Variants in ATP11A observed in about 807,000 individuals in gnomAD.
The protein encoded by ATP11A is phospholipid-transporting ATPase IH.
In ATP11A, 81 loss-of-function variants were observed where a neutral mutation model predicts 154.4. That is an observed-to-expected ratio of 0.52 (90% CI 0.44 to 0.63). The LOEUF is 0.63. Ranked by LOEUF, ATP11A falls within the 30% of genes least tolerant of loss-of-function variation. The pLI is 0.00. For missense variants in ATP11A, 1,316 were observed against 1,474.3 expected (o/e 0.89, Z 1.76); for synonymous variants, 623 against 585.9 (o/e 1.06, Z -0.91).
rs1034376312 is a variant in ATP11A, at chr13:112,729,118, G to A, written c.39+38663G>A. Among the ~76,000 whole-genome samples, 12 of 152,186 alleles carry A rather than the reference G, an allele frequency of 7.9e-5. No individual in the cohort carries two copies. In the South Asian group the frequency reaches 1.0e-3, roughly 13 times the overall value. On this transcript the variant is annotated intron_variant, in intron 1 of 29. Transcript: ENST00000375645. ...TCTTAAGAATCTGAGTGACAAAATC[G>A]GTGAACCTGAGTGAAAATTTAGAAT...
chr13:112,690,416 C>T lies in ATP11A; in HGVS notation c.-1C>T. The T allele has an allele frequency of 7.5e-7, 1 of 1,329,400 alleles. No homozygotes were observed. Among genetic ancestry groups the T allele is most frequent in the Non-Finnish European group, 9.6e-7 (1 of 1,038,858 alleles). The allele number at this position is 1,329,400 out of a possible 1,614,324, so 82.4% of individuals were successfully genotyped here. On this transcript the variant is annotated 5_prime_UTR_variant, in exon 1 of 30. Transcript: ENST00000375645. The surrounding 1 kb of genome is among the most constrained non-coding windows in gnomAD (Gnocchi z 5.6). ...GCGGAGCGGGAGCGGCCGGAGGAGC[C>T]ATGGACTGCAGCCTCGTGCGGACGC... is the stretch of plus-strand genomic sequence containing the variant.
chr13:112,878,137 C>T (rs933085273), intron 28 of ATP11A, 80 bp from the exon 29 acceptor site: 20 of 1,311,014 alleles, frequency 1.5e-5, no homozygotes, highest in East Asian at 2.3e-5. Context: ...CATTTCCTTC[C>T]GTCTTCCGAC....
rs375920322 is a variant in ATP11A at position 112,825,712 on chromosome 13, A to T, written c.1023+132A>T. 364 of 1,053,620 alleles carry T rather than the reference A, an allele frequency of 3.5e-4. 6 individuals are homozygous for T. In the South Asian group the frequency reaches 5.8e-3, roughly 17 times the overall value. 65.3% of individuals were successfully genotyped at this position (1,053,620 alleles called of 1,614,324 possible). A position where few individuals can be genotyped will look rare whatever the true frequency, so the allele number is the denominator to read the frequency against. ...CAGCTTGATTGATTCAGTCTCTGTG[A>T]TAGATGCATTCACTGAAATTTAAAG... is the stretch of plus-strand genomic sequence containing the variant. On this transcript the variant is annotated intron_variant, in intron 11 of 29. Transcript: ENST00000375645.
At chr13:112,808,244 G>A (rs932835982) in intron 4 of ATP11A, among the ~76,000 whole-genome samples, 5 of 152,014 alleles carry the variant, frequency 3.3e-5, no homozygotes, top group African/African-American at 1.2e-4. Flanking sequence ...CTCCCTGGCT[G>A]TGTCCCCTCC....
At chr13:112,800,621 G>A (rs1012191697) in intron 2 of ATP11A, among the ~76,000 whole-genome samples, 9 of 151,308 alleles carry the variant, frequency 5.9e-5, no homozygotes, top group African/African-American at 9.7e-5. Flanking sequence ...TAATAGAAGC[G>A]GAAGGAACAT....
Position 112,774,926 on chromosome 13 carries a change from TC to T in ATP11A, c.40-10204del, listed in dbSNP as rs531761304. On this transcript the variant is annotated intron_variant, in intron 1 of 29. Coordinates refer to ENST00000375645, the MANE Select transcript of ATP11A (RefSeq NM_015205.3). ...TGTGTCTGAGCAGCTCCTCCCACCT[TC>T]CCCCGTCACGGGAGCCGCAGAGTTG... is the stretch of plus-strand genomic sequence containing the variant. Among the ~76,000 whole-genome samples, 661 of 151,638 alleles carry T rather than the reference TC, an allele frequency of 4.4e-3. 5 individuals carry two copies. Among genetic ancestry groups the T allele is most frequent in the African/African-American group, 0.015 (622 of 41,402 alleles).
chr13:112,847,241 ACAGT>A (rs1195665642), intron 17 of ATP11A, among the ~76,000 whole-genome samples: 11 of 152,232 alleles, frequency 7.2e-5, no homozygotes. Flanking sequence ...AAGTAGAAAG[ACAGT>A]CCAGAGGGGC....
At chr13:112,809,036 A>C (rs2078411151) in intron 4 of ATP11A, among the ~76,000 whole-genome samples, 1 of 152,152 alleles carries the variant, frequency 6.6e-6, no homozygotes, top group Non-Finnish European at 1.5e-5. Context: ...TTGAACTTGC[A>C]GTTATTTCTG....
chr13:112,854,553 C>G (rs765072902), intron 19 of ATP11A, 23 bp downstream of exon 19: 2 of 1,592,316 alleles, frequency 1.3e-6, no homozygotes, highest in South Asian at 2.2e-5. Context: ...TCCCCGCCCC[C>G]ACCCCCACAC....
At chr13:112,724,543 GT>G (rs1376030392) in intron 1 of ATP11A, among the ~76,000 whole-genome samples, 1 of 152,066 alleles carries the variant, frequency 6.6e-6, no homozygotes, top group African/African-American at 2.4e-5. Context: ...TGCATCCAGA[GT>G]TTCATCAGAG....
At chr13:112,759,334 G>A (rs2076913822) in intron 1 of ATP11A, among the ~76,000 whole-genome samples, 1 of 152,210 alleles carries the variant, frequency 6.6e-6, no homozygotes, top group Non-Finnish European at 1.5e-5. Flanking sequence ...CCTGGGAGCA[G>A]TCTTGTTCCA....
chr13:112,825,958 A>C (rs2092075065), intron 11 of ATP11A, among the ~76,000 whole-genome samples: 1 of 152,316 alleles, frequency 6.6e-6, no homozygotes, highest in South Asian at 2.1e-4. Flanking sequence ...GCCATGTGCA[A>C]ACCGAGACCT....
intron 1 of ATP11A, among the ~76,000 whole-genome samples, chr13:112,781,038 TGTTTGTTTGTTC>T (rs2077485842): frequency 6.6e-6 from 1 of 151,952 alleles, no homozygotes; most frequent in Non-Finnish European, 1.5e-5. Flanking sequence ...GTCTTTTGTT[TGTTTGTTTGTTC>T]GTTTGTTTGA....
rs890144290 is a variant in ATP11A, at chr13:112,754,235, G to T, written c.40-30900G>T. ...GGCAGAGAAGGCCGTGGAATAACAG[G>T]GCCGGGTTCTCACTGGCGGGACTGT... is the stretch of plus-strand genomic sequence containing the variant. On this transcript the variant is annotated intron_variant, in intron 1 of 29. Transcript: ENST00000375645. This position sits in a 1 kb window ranked among gnomAD's most constrained non-coding sequence, Gnocchi z 5.3. 2.6e-5 allele frequency among the ~76,000 whole-genome samples: 4 copies of T among 152,192 alleles called. No individual in the cohort carries two copies. The highest frequency in any genetic ancestry group is 9.6e-5 in the African/African-American group (4 of 41,452).
intron 2 of ATP11A, among the ~76,000 whole-genome samples, chr13:112,791,209 A>G (rs2077845340): frequency 6.6e-6 from 1 of 152,260 alleles, no homozygotes; most frequent in Non-Finnish European, 1.5e-5. Flanking sequence ...GGAAGCACCC[A>G]GGTGTCCACA....
intron 1 of ATP11A, among the ~76,000 whole-genome samples, chr13:112,768,435 A>G (rs1765878): frequency 0.017 from 2,561 of 152,282 alleles, 75 homozygotes; most frequent in African/African-American, 0.058. Context: ...CAGCGCATTC[A>G]CAGACTGTCG....
chr13:112,726,253 G>T (rs559402975), intron 1 of ATP11A, among the ~76,000 whole-genome samples: 1 of 151,952 alleles, frequency 6.6e-6, no homozygotes, highest in Non-Finnish European at 1.5e-5. Context: ...AAGCACGTGC[G>T]TGCAGGGAGA....
intron 1 of ATP11A, among the ~76,000 whole-genome samples, chr13:112,763,438 G>A (rs1044980532): frequency 5.9e-5 from 9 of 152,188 alleles, no homozygotes; most frequent in African/African-American, 2.2e-4. Flanking sequence ...TCACATGACC[G>A]ATAGCAGGCC....
Position 112,855,898 on chromosome 13 carries a change from C to A in ATP11A, c.2244-13C>A, listed in dbSNP as rs377649428. 1 of 1,595,402 alleles carries A rather than the reference C, an allele frequency of 6.3e-7. No homozygotes were observed. The highest frequency in any genetic ancestry group is 2.2e-5 in the East Asian group (1 of 44,500). On this transcript the variant is annotated splice_polypyrimidine_tract_variant and intron_variant, in intron 19 of 29. Coordinates refer to ENST00000375645, the MANE Select transcript of ATP11A (RefSeq NM_015205.3). ...GTGATTGAGCAATCTTTCTGACTCACGTACTCTAACAGACTTTCAGCAGAT... is the reference window on the plus strand; with the variant it reads ...GTGATTGAGCAATCTTTCTGACTCAAGTACTCTAACAGACTTTCAGCAGAT...
Sources: gnomAD v4.1 joint callset for allele counts (sites outside exome capture counted in the v4.1 genomes callset) on GRCh38, gnomAD v4.1.1 for gene constraint, Gnocchi (gnomAD v3.1) non-coding constraint, MANE v1.5 for transcripts, NCBI Gene and HGNC (gene_info 2026-07-23, HGNC 2026-07-21) for gene names.